Variants in KDM3B observed in about 807,000 individuals in gnomAD.
KDM3B encodes lysine demethylase 3B, also known as lysine-specific demethylase 3B.
KDM3B carries 10 observed loss-of-function variants against 170.0 expected under a neutral mutation model. The ratio of observed to expected loss-of-function variants is 0.06; its 90% CI spans 0.04 to 0.10. The LOEUF is 0.10. Ranked by LOEUF, KDM3B falls within the 10% of genes least tolerant of loss-of-function variation. The probability of loss-of-function intolerance (pLI) is 1.00; values close to 1 mark genes in which losing one functional copy is unlikely to be tolerated. For synonymous variants in KDM3B, 831 were observed against 834.8 expected (o/e 1.00, Z 0.08); for missense variants, 1,394 against 2,195.2 (o/e 0.64, Z 7.29).
At position 138,379,760 on chromosome 5, in the gene KDM3B, T is replaced by C. The variant is rs1301157551; in HGVS notation, c.705+52T>C. The stretch of plus-strand genomic sequence containing the variant: ...GGTCCATCCATCCCCTTAAAGAGGA[T>C]GGTTTAGATAGGCGAGCACTTCATT... On this transcript the variant is annotated intron_variant, in intron 5 of 23. Transcript: ENST00000314358. The C allele has an allele frequency of 4.5e-6, 7 of 1,539,484 alleles. No homozygotes were observed. The South Asian group carries it at 8.7e-5, about 19-fold the overall frequency.
intron 11 of KDM3B, among the ~76,000 whole-genome samples, chr5:138,404,778 C>T (rs1023767293): frequency 2.0e-5 from 3 of 151,892 alleles, no homozygotes; most frequent in African/African-American, 7.3e-5. Flanking sequence ...GGCTGAAGTG[C>T]AGGGGTGTGA....
At position 138,392,266 on chromosome 5, in the gene KDM3B, TC is replaced by T; in HGVS notation, c.2629+7del. 6.7e-7 allele frequency: 1 copy of T among 1,485,662 alleles called. No individual in the cohort carries two copies. Among genetic ancestry groups the T allele is most frequent in the South Asian group, 1.5e-5 (1 of 68,566 alleles). The allele number at this position is 1,485,662 out of a possible 1,614,324, so 92.0% of individuals were successfully genotyped here. On this transcript the variant is annotated splice_donor_region_variant and intron_variant, in intron 8 of 23. Coordinates refer to ENST00000314358, the MANE Select transcript of KDM3B (RefSeq NM_016604.4). ...CTCGGACTGCCCCCCTGAAAGGTGA[TC>T]CTGCTGGGGCTATATTTGGGCTTTG...
intron 22 of KDM3B, 53 bp from the exon 23 acceptor site, chr5:138,431,372 G>T: frequency 7.0e-7 from 1 of 1,425,132 alleles, no homozygotes; most frequent in Non-Finnish European, 9.4e-7. Flanking sequence ...TTTTCCATAT[G>T]TTATTGAATC....
At chr5:138,396,254 C>T (rs1217398293) in intron 9 of KDM3B, among the ~76,000 whole-genome samples, 2 of 152,082 alleles carry the variant, frequency 1.3e-5, no homozygotes, top group African/African-American at 4.8e-5. Flanking sequence ...CGCCACCACA[C>T]CCAGCTAATT....
chr5:138,391,291 T>C lies in KDM3B; in HGVS notation c.1659T>C (p.Ser553=). 1.2e-6 allele frequency: 2 copies of C among 1,614,192 alleles called. No homozygotes were observed. Among genetic ancestry groups the C allele is most frequent in the Non-Finnish European group, 1.7e-6 (2 of 1,180,042 alleles). The change falls in exon 8 of 24, where the codon AGT becomes AGC. Residue 553 remains serine (S), a synonymous_variant. Transcript: ENST00000314358. This position sits in a 1 kb window ranked among gnomAD's most constrained non-coding sequence, Gnocchi z 5.0. The part of the protein sequence containing the change: ...VSESLADDSS[S]RDSFKQSLES... ...AGAGTTTGGCTGATGATTCTTCTAG[T>C]CGGGACTCATTCAAACAAAGCCTTG...
chr5:138,414,081 A>G (rs1763042586), intron 11 of KDM3B, among the ~76,000 whole-genome samples: 1 of 152,240 alleles, frequency 6.6e-6, no homozygotes, highest in Non-Finnish European at 1.5e-5. Flanking sequence ...ATGACTCAAA[A>G]GCATTATGCC....
chr5:138,379,428 G>A (rs1052830322), intron 4 of KDM3B, among the ~76,000 whole-genome samples, 156 bp from the exon 5 acceptor site: 1 of 152,302 alleles, frequency 6.6e-6, no homozygotes, highest in East Asian at 1.9e-4. Context: ...AAATTGCTCA[G>A]TATGGTAAAT....
At chr5:138,369,878 G>T (rs547829311) in intron 1 of KDM3B, among the ~76,000 whole-genome samples, 1 of 152,190 alleles carries the variant, frequency 6.6e-6, no homozygotes, top group African/African-American at 2.4e-5. Context: ...TAAGAAAGAT[G>T]TGTCATATCA....
intron 1 of KDM3B, among the ~76,000 whole-genome samples, chr5:138,358,751 T>C (rs906570187): frequency 6.6e-6 from 1 of 151,288 alleles, no homozygotes; most frequent in Non-Finnish European, 1.5e-5. Flanking sequence ...CACAACATGA[T>C]TCTCAGCTTT....
At chr5:138,398,475 A>G (rs898494610) in intron 10 of KDM3B, 83 bp downstream of exon 10, 54 of 1,212,648 alleles carry the variant, frequency 4.5e-5, no homozygotes, top group Non-Finnish European at 6.3e-5. Context: ...GATTGGGGAC[A>G]GTGGCAGATG....
intron 4 of KDM3B, 92 bp from the exon 5 acceptor site, chr5:138,379,492 T>C (rs1762075412): frequency 7.7e-7 from 1 of 1,302,702 alleles, no homozygotes; most frequent in African/African-American, 1.5e-5. Flanking sequence ...GTGCCAAATA[T>C]TTACATTATC....
chr5:138,433,359 G>A (rs563770455), intron 23 of KDM3B, among the ~76,000 whole-genome samples: 15 of 146,180 alleles, frequency 1.0e-4, no homozygotes, highest in African/African-American at 3.5e-4. Context: ...TGATCCACCC[G>A]CCCTCGGCCT....
At chr5:138,406,941 T>C (rs1762838078) in intron 11 of KDM3B, among the ~76,000 whole-genome samples, 1 of 150,536 alleles carries the variant, frequency 6.6e-6, no homozygotes. Context: ...TTTTAGACAT[T>C]AAAAGGATAA....
chr5:138,416,580 C>T (rs1364331243), intron 12 of KDM3B, among the ~76,000 whole-genome samples: 1 of 118,954 alleles, frequency 8.4e-6, no homozygotes, highest in South Asian at 3.4e-4. Context: ...TACGGTGAGA[C>T]TCTGTCTCAA....
intron 2 of KDM3B, 114 bp downstream of exon 2, chr5:138,372,955 T>C: frequency 1.1e-6 from 1 of 929,850 alleles, no homozygotes; most frequent in Non-Finnish European, 1.5e-6. Flanking sequence ...TTAACGTACA[T>C]TTATTCTGAA....
At chr5:138,430,890 CA>C (rs894965791) in intron 22 of KDM3B, among the ~76,000 whole-genome samples, 20 of 141,584 alleles carry the variant, frequency 1.4e-4, no homozygotes, top group Middle Eastern at 3.6e-3. Flanking sequence ...AACTCAGTCT[CA>C]AAAAAAAAAA....
In KDM3B at chr5:138,418,075, GT is replaced by G. The variant is rs34275336; in HGVS notation, c.3435+487del. The G allele has an allele frequency of 4.6e-3, 442 of 96,812 alleles. 2 individuals are homozygous for G. Among genetic ancestry groups the G allele is most frequent in the Non-Finnish European group, 4.5e-3 (228 of 50,478 alleles). 6.0% of individuals were successfully genotyped at this position (96,812 alleles called of 1,614,324 possible). On this transcript the variant is annotated intron_variant, in intron 13 of 23. Transcript: ENST00000314358. ...CATTGCTTTGTCAGTTTTGGTTTTG[GT>G]TTTTTTTTTTTTTTTTTTTTTCAGA...
intron 11 of KDM3B, among the ~76,000 whole-genome samples, chr5:138,414,416 C>T (rs564480155): frequency 1.1e-3 from 173 of 152,258 alleles, no homozygotes; most frequent in Middle Eastern, 3.4e-3. Flanking sequence ...CCGCCCGCCT[C>T]GGCCTCCCAA....
At chr5:138,428,111 T>C in intron 20 of KDM3B, 25 bp downstream of exon 20, 2 of 1,610,374 alleles carry the variant, frequency 1.2e-6, no homozygotes, top group Non-Finnish European at 1.7e-6. Context: ...ATCCACTGCT[T>C]TAGGATGGTG....
Sources: allele counts gnomAD v4.1 joint callset (sites outside exome capture counted in the v4.1 genomes callset), GRCh38; gene constraint gnomAD v4.1.1; non-coding constraint Gnocchi (gnomAD v3.1); transcripts MANE v1.5; gene names NCBI Gene and HGNC (gene_info 2026-07-23, HGNC 2026-07-21).